BAZ1A: variants seen among roughly 807,000 people sequenced by gnomAD.
BAZ1A encodes the protein bromodomain adjacent to zinc finger domain protein 1A.
Under a neutral mutation model 185.2 loss-of-function variants are expected in BAZ1A, and 50 were observed. That is an observed-to-expected ratio of 0.27 (90% confidence interval 0.22 to 0.34). The LOEUF (loss-of-function observed/expected upper bound fraction) is 0.34. BAZ1A is among the 10% of genes least tolerant of loss of function. The pLI is 1.00. For synonymous variants in BAZ1A, 571 were observed against 615.6 expected (o/e 0.93, Z 1.07); for missense variants, 1,356 against 1,839.9 (o/e 0.74, Z 4.81).
At chr14:34,827,767 C>T (rs2042185146) in intron 3 of BAZ1A, among the ~76,000 whole-genome samples, 1 of 151,306 alleles carries the variant, frequency 6.6e-6, no homozygotes, top group Non-Finnish European at 1.5e-5. Flanking sequence ...CATATATTGG[C>T]ACAATATCTT....
intron 23 of BAZ1A, among the ~76,000 whole-genome samples, chr14:34,762,662 G>A (rs1402201267): frequency 6.6e-6 from 1 of 151,982 alleles, no homozygotes; most frequent in Non-Finnish European, 1.5e-5. Flanking sequence ...TAGAGATGGG[G>A]TTTTGCTATG....
chr14:34,809,505 T>C (rs2041898220), intron 5 of BAZ1A, among the ~76,000 whole-genome samples: 2 of 152,198 alleles, frequency 1.3e-5, no homozygotes, highest in African/African-American at 4.8e-5. Flanking sequence ...GTTCTACTTG[T>C]CAATGCTACT....
intron 2 of BAZ1A, among the ~76,000 whole-genome samples, chr14:34,864,029 C>G (rs922688775): frequency 1.3e-5 from 2 of 151,704 alleles, no homozygotes; most frequent in African/African-American, 4.8e-5. Flanking sequence ...CACTATGTTG[C>G]CCAGGATGGT....
chr14:34,863,690 G>A (rs2042808684), intron 2 of BAZ1A, among the ~76,000 whole-genome samples: 1 of 151,922 alleles, frequency 6.6e-6, no homozygotes. Context: ...ATGAATCAAT[G>A]AATACACAAT....
chr14:34,812,336 A>T (rs1169770672), intron 4 of BAZ1A, among the ~76,000 whole-genome samples: 1 of 152,244 alleles, frequency 6.6e-6, no homozygotes, highest in African/African-American at 2.4e-5. Context: ...GGAGGCATGC[A>T]CAATTTAGAC....
chr14:34,796,486 A>G (rs943149069), intron 9 of BAZ1A, among the ~76,000 whole-genome samples: 2 of 152,244 alleles, frequency 1.3e-5, no homozygotes, highest in Non-Finnish European at 2.9e-5. Context: ...TTTGAATCTG[A>G]TAACAGCCTA....
Position 34,809,069 on chromosome 14 carries a change from C to T in BAZ1A, c.639-1531G>A, listed in dbSNP as rs373517970. 8.3e-4 allele frequency among the ~76,000 whole-genome samples: 126 copies of T among 152,232 alleles called. 1 individual carries two copies. In the South Asian group the frequency reaches 0.025, roughly 30 times the overall value. On this transcript the variant is annotated intron_variant, in intron 5 of 26. Coordinates refer to ENST00000360310, the MANE Select transcript of BAZ1A (RefSeq NM_013448.3). The stretch of plus-strand genomic sequence containing the variant: ...CAATACAGTATAACAATGATTTACA[C>T]TTCATTTACATTGTATTAGGTATTA...
At chr14:34,771,693 TAAA>T in intron 20 of BAZ1A, 34 bp from the exon 21 acceptor site, 2 of 1,594,180 alleles carry the variant, frequency 1.3e-6, no homozygotes, top group Non-Finnish European at 8.6e-7. Context: ...TTATGGTACT[TAAA>T]AACACTATTA....
chr14:34,800,374 T>C lies in BAZ1A; in HGVS notation c.978A>G (p.Lys326=), dbSNP rs1264516572. The C allele has an allele frequency of 2.6e-6, 4 of 1,546,646 alleles. No homozygotes were observed. Among genetic ancestry groups the C allele is most frequent in the South Asian group, 1.3e-5 (1 of 79,742 alleles). The change falls in exon 9 of 27, where the codon AAA becomes AAG. Residue 326 remains lysine, a synonymous_variant. Coordinates refer to ENST00000360310, the MANE Select transcript of BAZ1A (RefSeq NM_013448.3). The stretch of plus-strand genomic sequence containing the variant: ...GGGCATCTGCTTTTTCTCTTTTTAA[T>C]TTAGCCTTTTCAAAAGCTGTGAAGA... ...EMKSLAFEKA[K]LKREKADALE...
chr14:34,775,839 T>A, intron 18 of BAZ1A, 80 bp downstream of exon 18: 2 of 1,130,502 alleles, frequency 1.8e-6, no homozygotes, highest in Non-Finnish European at 2.5e-6. Flanking sequence ...TTCTAATAGG[T>A]TGCAAAAACG....
chr14:34,813,640 G>C (rs2041961544), intron 4 of BAZ1A, among the ~76,000 whole-genome samples: 1 of 151,668 alleles, frequency 6.6e-6, no homozygotes, highest in African/African-American at 2.4e-5. Flanking sequence ...CCGAGATTGT[G>C]CCATTGCATT....
chr14:34,854,831 G>A (rs1460091464), intron 3 of BAZ1A, among the ~76,000 whole-genome samples: 1 of 152,128 alleles, frequency 6.6e-6, no homozygotes, highest in African/African-American at 2.4e-5. Flanking sequence ...TGTAATCCCA[G>A]CACTTTGGGA....
chr14:34,784,204 A>T (rs1008120044), intron 14 of BAZ1A, among the ~76,000 whole-genome samples: 3 of 151,498 alleles, frequency 2.0e-5, no homozygotes, highest in Non-Finnish European at 4.4e-5. Flanking sequence ...CCCCAACTCT[A>T]CTAAAAATAC....
intron 12 of BAZ1A, among the ~76,000 whole-genome samples, chr14:34,788,551 G>A: frequency 6.6e-6 from 1 of 151,980 alleles, no homozygotes; most frequent in African/African-American, 2.4e-5. Flanking sequence ...TGATCCATCT[G>A]CCCTGGCTTC....
chr14:34,757,879 G>C lies in BAZ1A; in HGVS notation c.4386+825C>G, dbSNP rs1043773759. ...CTCCTGCCTCAGCCTCCCAAGTAGCGGGGACTACAGGCGCCTGCCACCACG... is the reference window on the plus strand; with the variant it reads ...CTCCTGCCTCAGCCTCCCAAGTAGCCGGGACTACAGGCGCCTGCCACCACG... On this transcript the variant is annotated intron_variant, in intron 25 of 26. Coordinates refer to ENST00000360310, the MANE Select transcript of BAZ1A (RefSeq NM_013448.3). Among the ~76,000 whole-genome samples, 52 of 149,652 alleles carry C rather than the reference G, an allele frequency of 3.5e-4. 1 individual carries two copies. Among genetic ancestry groups the C allele is most frequent in the African/African-American group, 1.2e-3 (49 of 40,802 alleles).
chr14:34,812,146 C>T (rs191387737), intron 4 of BAZ1A, among the ~76,000 whole-genome samples: 1 of 150,134 alleles, frequency 6.7e-6, no homozygotes, highest in African/African-American at 2.5e-5. Flanking sequence ...GGTGGGGGAG[C>T]CATTATTTTA....
intron 3 of BAZ1A, among the ~76,000 whole-genome samples, chr14:34,855,889 G>A (rs1204517120): frequency 1.3e-5 from 2 of 152,134 alleles, no homozygotes; most frequent in Non-Finnish European, 1.5e-5. Context: ...AGTGACAAGA[G>A]TGAGAAACTA....
chr14:34,807,991 G>A (rs1286235826), intron 5 of BAZ1A, among the ~76,000 whole-genome samples: 1 of 151,936 alleles, frequency 6.6e-6, no homozygotes, highest in African/African-American at 2.4e-5. Flanking sequence ...TGTAGTCCCA[G>A]CTACTCGGGA....
rs765687280 is a variant in BAZ1A at position 34,765,277 on chromosome 14, A to G, written c.3302-9T>C. ...CCCACTGTCACTGGCATCTTAAATG[A>G]AAAGGGAAAGTGATTACAATTTTTT... On this transcript the variant is annotated splice_polypyrimidine_tract_variant and intron_variant, in intron 21 of 26. Coordinates refer to ENST00000360310, the MANE Select transcript of BAZ1A (RefSeq NM_013448.3). 29 of 1,610,546 alleles carry G rather than the reference A, an allele frequency of 1.8e-5. No homozygotes were observed. The highest frequency in any genetic ancestry group is 2.5e-5 in the Non-Finnish European group (29 of 1,178,456).
Sources: allele counts gnomAD v4.1 joint callset (sites outside exome capture counted in the v4.1 genomes callset), GRCh38; gene constraint gnomAD v4.1.1; transcripts MANE v1.5; gene names NCBI Gene and HGNC (gene_info 2026-07-23, HGNC 2026-07-21).